Variants in GPC2 observed in about 807,000 individuals in gnomAD.
GPC2 encodes glypican-2.
In GPC2, 42 loss-of-function variants were observed where a neutral mutation model predicts 57.3. The ratio of observed to expected loss-of-function variants is 0.73; its 90% CI spans 0.57 to 0.95. GPC2 has a LOEUF of 0.95. Among genes scored for constraint, GPC2 ranks in the 40% least tolerant of loss-of-function variants. GPC2 has a pLI of 0.00. For synonymous variants in GPC2, 364 were observed against 343.4 expected (o/e 1.06, Z -0.66); for missense variants, 745 against 793.6 (o/e 0.94, Z 0.74).
In GPC2 at chr7:100,171,252, G is replaced by C. The variant is rs777143666; in HGVS notation, c.1486+9C>G. ...GCGGGGCTCAGGCTCAGGGATGCAG[G>C]GGTCTCACCCGCGTCCTGCCCGTCC... On this transcript the variant is annotated intron_variant, in intron 9 of 9. Coordinates refer to ENST00000292377, the MANE Select transcript of GPC2 (RefSeq NM_152742.3). The surrounding 1 kb of genome is among the most constrained non-coding windows in gnomAD (Gnocchi z 4.8). 17 of 1,527,924 alleles carry C rather than the reference G, an allele frequency of 1.1e-5. No homozygotes were observed. The highest frequency in any genetic ancestry group is 1.5e-5 in the Non-Finnish European group (17 of 1,136,508). The allele number at this position is 1,527,924 out of a possible 1,614,324, so 94.6% of individuals were successfully genotyped here.
Position 100,171,743 on chromosome 7 carries a change from G to GCC in GPC2, c.1170+34_1170+35dup. ...CCCCCACAACCATCCCCGGCCCCGG[G>GCC]CCCCCCCGCCCCCAACTCTTGGTCA... On this transcript the variant is annotated intron_variant, in intron 7 of 9. Transcript: ENST00000292377. The surrounding 1 kb of genome is among the most constrained non-coding windows in gnomAD (Gnocchi z 4.8). The GCC allele has an allele frequency of 6.8e-7, 1 of 1,465,874 alleles. No individual in the cohort carries two copies. Among genetic ancestry groups the GCC allele is most frequent in the Admixed American group, 2.2e-5 (1 of 44,612 alleles). 90.8% of individuals were successfully genotyped at this position (1,465,874 alleles called of 1,614,324 possible). A position where few individuals can be genotyped will look rare whatever the true frequency, so the allele number is the denominator to read the frequency against.
In GPC2 at chr7:100,177,045, G is replaced by A; in HGVS notation, c.155C>T (p.Ala52Val). The A allele has an allele frequency of 6.2e-7, 1 of 1,606,130 alleles. No homozygotes were observed. The highest frequency in any genetic ancestry group is 8.5e-7 in the Non-Finnish European group (1 of 1,176,854). ...CTCTTTCTCCTCACCTGAGATCAGG[G>A]CGGGAGGGATTAGGTTTAAGCTATA... ...RGYSLNLIPP[A>V]LISGEHLRVC... The change falls in exon 1 of 10, where the codon GCC becomes GTC. Residue 52 changes from alanine to valine, a missense_variant. Coordinates refer to ENST00000292377, the MANE Select transcript of GPC2 (RefSeq NM_152742.3).
rs1187872897 is a variant in GPC2 at position 100,176,468 on chromosome 7, G to A, written c.167-103C>T. ...CTATGCCTTCTCTTCTACCTGCCTGGTCTCTTTTCTATTGTCTGCACCCTC... is the reference window on the plus strand; with the variant it reads ...CTATGCCTTCTCTTCTACCTGCCTGATCTCTTTTCTATTGTCTGCACCCTC... On this transcript the variant is annotated intron_variant, in intron 1 of 9. Transcript: ENST00000292377. 7.2e-6 allele frequency: 8 copies of A among 1,104,678 alleles called. No homozygotes were observed. The East Asian group carries it at 1.7e-4, about 23-fold the overall frequency. 68.4% of individuals were successfully genotyped at this position (1,104,678 alleles called of 1,614,324 possible). A position where few individuals can be genotyped will look rare whatever the true frequency, so the allele number is the denominator to read the frequency against.
At chr7:100,174,463 G>A in intron 4 of GPC2, 1 of 640,914 alleles carries the variant, frequency 1.6e-6, no homozygotes, top group East Asian at 2.8e-5. Flanking sequence ...GGAGGGTATG[G>A]GTCCACAGAG....
chr7:100,172,278 C>G (rs1192061940), intron 5 of GPC2, 61 bp from the exon 6 acceptor site: 2 of 1,563,124 alleles, frequency 1.3e-6, no homozygotes, highest in African/African-American at 1.4e-5. Flanking sequence ...CTAGGATGTT[C>G]CTGAAAATCC....
intron 4 of GPC2, chr7:100,174,481 G>T: frequency 1.5e-6 from 1 of 663,850 alleles, no homozygotes; most frequent in Non-Finnish European, 2.7e-6. Context: ...GAGGGGAGGA[G>T]GGGGTCAGAG....
rs1344367842 is a variant in GPC2, at chr7:100,171,313, C to T, written c.1434G>A (p.Thr478=). ...CCAGTGCGGCCGTTTTCATTCTGGC[C>T]GTGGCCGCCCGGAGCTGTAGCCGAC... ...RRRRLQLRAA[T]ARMKTAALGH... The change falls in exon 9 of 10, where the codon ACG becomes ACA. Residue 478 remains threonine, a synonymous_variant. Transcript: ENST00000292377. The surrounding 1 kb of genome is among the most constrained non-coding windows in gnomAD (Gnocchi z 4.8). The T allele has an allele frequency of 1.9e-6, 3 of 1,543,386 alleles. No individual in the cohort carries two copies. The highest frequency in any genetic ancestry group is 1.4e-5 in the African/African-American group (1 of 71,822).
Position 100,175,830 on chromosome 7 carries a change from G to A in GPC2, c.390C>T (p.Tyr130=), listed in dbSNP as rs774255965. The change falls in exon 3 of 10, where the codon TAC becomes TAT. Residue 130 remains tyrosine (Y), a synonymous_variant. Transcript: ENST00000292377. ...HSLTQLFSHS[Y]GRLYAQHALI... ...GGGCGTGCTGGGCATACAGGCGGCCGTAGGAGTGGGAGAAGAGCTGGGTCA... is the reference window on the plus strand; with the variant it reads ...GGGCGTGCTGGGCATACAGGCGGCCATAGGAGTGGGAGAAGAGCTGGGTCA... The A allele has an allele frequency of 1.3e-5, 21 of 1,613,862 alleles. No homozygotes were observed. Among genetic ancestry groups the A allele is most frequent in the African/African-American group, 9.4e-5 (7 of 74,856 alleles).
rs924851743 is a variant in GPC2 at position 100,177,381 on chromosome 7, C to A, written c.-182G>T. The A allele has an allele frequency of 6.0e-6, 3 of 497,870 alleles. No homozygotes were observed. Among genetic ancestry groups the A allele is most frequent in the Admixed American group, 4.3e-5 (1 of 23,462 alleles). The allele number at this position is 497,870 out of a possible 1,614,324, so 30.8% of individuals were successfully genotyped here. A position where few individuals can be genotyped will look rare whatever the true frequency, so the allele number is the denominator to read the frequency against. ...GCGGCATCTGCCGAGACAATGGGAG[C>A]GGGGAGCCGGACAGGGGGCGGGGCC... On this transcript the variant is annotated 5_prime_UTR_variant, in exon 1 of 10. Coordinates refer to ENST00000292377, the MANE Select transcript of GPC2 (RefSeq NM_152742.3).
rs1302388618 is a variant in GPC2 at position 100,171,411 on chromosome 7, A to T, written c.1336T>A (p.Ser446Thr). ...GGGTTGTTGACCTGCTCGGCCGGGGAGCCCCCGACCACTGGCGGCAAGTAC... is the reference window on the plus strand; with the variant it reads ...GGGTTGTTGACCTGCTCGGCCGGGGTGCCCCCGACCACTGGCGGCAAGTAC... ...GRYLPPVVGG[S>T]PAEQVNNPEL... Residue 446 changes from serine to threonine, a missense_variant, in exon 9 of 10, where the codon TCC becomes ACC. Ser to Thr is a moderately conservative substitution (Grantham distance 58). Coordinates refer to ENST00000292377, the MANE Select transcript of GPC2 (RefSeq NM_152742.3). This position sits in a 1 kb window ranked among gnomAD's most constrained non-coding sequence, Gnocchi z 4.8. 1 of 1,482,730 alleles carries T rather than the reference A, an allele frequency of 6.7e-7. No individual in the cohort carries two copies. Among genetic ancestry groups the T allele is most frequent in the Non-Finnish European group, 8.9e-7 (1 of 1,117,726 alleles). 91.8% of individuals were successfully genotyped at this position (1,482,730 alleles called of 1,614,324 possible).
intron 5 of GPC2, among the ~76,000 whole-genome samples, chr7:100,172,635 TTGTATATATATATATGTGTGTG>T (rs1255280489): frequency 4.5e-5 from 4 of 88,210 alleles, no homozygotes; most frequent in African/African-American, 8.1e-5. Context: ...CGGCTAATTT[TTGTATATATATATATGTGTGTG>T]TGTATATATA....
chr7:100,175,572 C>G lies in GPC2; in HGVS notation c.648G>C (p.Gln216His). Residue 216 changes from glutamine to histidine, a missense_variant and splice_region_variant, in exon 3 of 10, where the codon CAG becomes CAC. Coordinates refer to ENST00000292377, the MANE Select transcript of GPC2 (RefSeq NM_152742.3). ...AAGCTCAGGCCTCAGGATCCCTCAC[C>G]TGCAGGCGGAGGCGGCGGGGTGAGT... ...FGDSPRRLRL[Q>H]ITRTLVAARA... 1 of 1,604,948 alleles carries G rather than the reference C, an allele frequency of 6.2e-7. No homozygotes were observed. Among genetic ancestry groups the G allele is most frequent in the Non-Finnish European group, 8.5e-7 (1 of 1,175,260 alleles).
At position 100,170,191 on chromosome 7, in the gene GPC2, G is replaced by A; in HGVS notation, c.*39C>T. ...CAGCTGAGGGGGGAGGAGGGGAAAG[G>A]GCCATGAACCCTTCTGATGCTAGGG... is the stretch of plus-strand genomic sequence containing the variant. On this transcript the variant is annotated 3_prime_UTR_variant, in exon 10 of 10. Transcript: ENST00000292377. 6.6e-7 allele frequency: 1 copy of A among 1,513,526 alleles called. No individual in the cohort carries two copies. 93.8% of individuals were successfully genotyped at this position (1,513,526 alleles called of 1,614,324 possible).
chr7:100,173,975 C>A lies in GPC2; in HGVS notation c.752G>T (p.Ser251Ile). 6.3e-7 allele frequency: 1 copy of A among 1,587,048 alleles called. No homozygotes were observed. Among genetic ancestry groups the A allele is most frequent in the Admixed American group, 1.8e-5 (1 of 55,928 alleles). Residue 251 changes from serine to isoleucine, a missense_variant, in exon 5 of 10, where the codon AGC (serine) becomes ATC (isoleucine). Around this residue, in one of 2 missense-constraint regions of GPC2, gnomAD observed 607 missense variants for 603.9 expected, o/e 1.01. Coordinates refer to ENST00000292377, the MANE Select transcript of GPC2 (RefSeq NM_152742.3). ...ALKVPVSEGCSQALMRLIGCP... is the reference protein window; with the variant it reads ...ALKVPVSEGCIQALMRLIGCP... ...GCCGATGAGACGCATCAGAGCCTGG[C>A]TGCAGCCTTCAGACACCGGCACCTG...
chr7:100,173,181 G>T (rs1799212932), intron 5 of GPC2, among the ~76,000 whole-genome samples: 1 of 152,020 alleles, frequency 6.6e-6, no homozygotes, highest in South Asian at 2.1e-4. Context: ...CGGCCAAGCT[G>T]GTCTTGAACT....
Position 100,174,914 on chromosome 7 carries a change from G to A in GPC2, c.649-149C>T, listed in dbSNP as rs972875777. On this transcript the variant is annotated intron_variant, in intron 3 of 9. Transcript: ENST00000292377. Reference sequence around the variant, plus strand: ...GAGTGTTGGGTGGTACAGAGAGGCAGGTTCAAGAGCCCCCACAGGAATTAT... The same window carrying A: ...GAGTGTTGGGTGGTACAGAGAGGCAAGTTCAAGAGCCCCCACAGGAATTAT... 14 of 622,008 alleles carry A rather than the reference G, an allele frequency of 2.3e-5. No individual in the cohort carries two copies. In the Admixed American group the frequency reaches 2.9e-4, roughly 13 times the overall value. 38.5% of individuals were successfully genotyped at this position (622,008 alleles called of 1,614,324 possible). A position where few individuals can be genotyped will look rare whatever the true frequency, so the allele number is the denominator to read the frequency against.
chr7:100,175,942 T>C (rs6954941), intron 2 of GPC2, 48 bp from the exon 3 acceptor site: 324 of 1,523,446 alleles, frequency 2.1e-4, no homozygotes, highest in African/African-American at 1.4e-3. Flanking sequence ...GGCCAAAGAA[T>C]GGGGAGAAAA....
At position 100,175,718 on chromosome 7, in the gene GPC2, C is replaced by T; in HGVS notation, c.502G>A (p.Ala168Thr). Reference protein sequence around the residue: ...GLDDTLADFWAQLLERVFPLL... With the variant: ...GLDDTLADFWTQLLERVFPLL... ...GGGAACACTCTCTCCAGGAGCTGTG[C>T]CCAGAAATCCGCCAGGGTGTCATCC... Residue 168 changes from alanine to threonine, a missense_variant, in exon 3 of 10, where the codon GCA (alanine) becomes ACA (threonine). Transcript: ENST00000292377. 1.2e-6 allele frequency: 2 copies of T among 1,614,060 alleles called. No homozygotes were observed.
Position 100,171,620 on chromosome 7 carries a change from A to AGGG in GPC2, c.1226_1228dup (p.Ser409_Leu410insPro). The AGGG allele has an allele frequency of 3.3e-6, 5 of 1,535,410 alleles. No homozygotes were observed. Among genetic ancestry groups the AGGG allele is most frequent in the Non-Finnish European group, 3.5e-6 (4 of 1,153,930 alleles). On this transcript the variant is annotated inframe_insertion, in exon 8 of 10. Transcript: ENST00000292377. The surrounding 1 kb of genome is among the most constrained non-coding windows in gnomAD (Gnocchi z 4.8). Reference sequence around the variant, plus strand: ...CATGCGAGAGTCTCCGCACACCGTCAGGGACAGCCGGGCCCAGAAGCCCCG... The same window carrying AGGG: ...CATGCGAGAGTCTCCGCACACCGTCAGGGGGGACAGCCGGGCCCAGAAGCCCCG...
Sources: allele counts gnomAD v4.1 joint callset (sites outside exome capture counted in the v4.1 genomes callset), GRCh38; gene constraint gnomAD v4.1.1; regional missense constraint gnomAD v4.1.1; non-coding constraint Gnocchi (gnomAD v3.1); transcripts MANE v1.5; gene names NCBI Gene and HGNC (gene_info 2026-07-23, HGNC 2026-07-21).